ZNF451: variants seen among roughly 807,000 people sequenced by gnomAD.
ZNF451 encodes zinc finger protein 451.
Under a neutral mutation model 107.1 loss-of-function variants are expected in ZNF451, and 80 were observed. That is an observed-to-expected ratio of 0.75 (90% CI 0.62 to 0.90). The LOEUF is 0.90. ZNF451 is among the 40% of genes least tolerant of loss of function. The pLI, the probability that ZNF451 is intolerant of heterozygous loss-of-function variation, is 0.00. For missense variants in ZNF451, 1,107 were observed against 1,236.2 expected, an observed-to-expected ratio of 0.90 and a Z score of 1.57; for synonymous variants, 362 against 406.5, an observed-to-expected ratio of 0.89 and a Z score of 1.32.
At chr6:57,150,986 T>C in intron 11 of ZNF451, 124 bp downstream of exon 11, 4 of 1,183,808 alleles carry the variant, frequency 3.4e-6, no homozygotes, top group Admixed American at 2.3e-5. Flanking sequence ...TATTGTTCTT[T>C]TGTATTATAG....
chr6:57,132,955 T>C, intron 5 of ZNF451, 87 bp from the exon 6 acceptor site: 1 of 1,377,746 alleles, frequency 7.3e-7, no homozygotes, highest in Non-Finnish European at 1.0e-6. Context: ...TGTCATAATT[T>C]TCATTGTTTT....
At chr6:57,109,211 T>A (rs1438175353) in intron 3 of ZNF451, 1 of 985,320 alleles carries the variant, frequency 1.0e-6, no homozygotes, top group Non-Finnish European at 1.2e-6. Context: ...CTGTTTCCAT[T>A]CATTTTCAGC....
At chr6:57,145,543 T>A (rs1451722342) in intron 9 of ZNF451, among the ~76,000 whole-genome samples, 1 of 152,202 alleles carries the variant, frequency 6.6e-6, no homozygotes, top group Non-Finnish European at 1.5e-5. Flanking sequence ...CACTTAGAAA[T>A]GAAAATTTGC....
At chr6:57,138,873 G>A (rs1264551568) in intron 7 of ZNF451, among the ~76,000 whole-genome samples, 1 of 147,958 alleles carries the variant, frequency 6.8e-6, no homozygotes. Flanking sequence ...CTTAAGTGCT[G>A]GGATTACAGG....
chr6:57,134,220 G>C (rs144533595), intron 6 of ZNF451: 5 of 152,350 alleles, frequency 3.3e-5, no homozygotes, highest in Non-Finnish European at 7.3e-5. Context: ...CTGGACCTGG[G>C]GTCGGGGAGG....
chr6:57,167,789 A>G (rs757700124), intron 14 of ZNF451, among the ~76,000 whole-genome samples: 10 of 152,222 alleles, frequency 6.6e-5, no homozygotes, highest in Non-Finnish European at 1.2e-4. Context: ...TGTGAACCCA[A>G]TAACGTCTGT....
intron 9 of ZNF451, among the ~76,000 whole-genome samples, chr6:57,144,942 A>C (rs72867054): frequency 0.092 from 13,953 of 152,166 alleles, 708 homozygotes; most frequent in African/African-American, 0.099. Context: ...ACACACAAAA[A>C]AGATATGTGT....
chr6:57,167,905 C>T (rs1446719896), intron 14 of ZNF451, among the ~76,000 whole-genome samples: 4 of 152,180 alleles, frequency 2.6e-5, no homozygotes, highest in Non-Finnish European at 5.9e-5. Flanking sequence ...ATATGCTTCT[C>T]AGATGACATT....
At position 57,142,084 on chromosome 6, in the gene ZNF451, T is replaced by C. The variant is rs1190903511; in HGVS notation, c.993T>C (p.Thr331=). 5.0e-6 allele frequency: 8 copies of C among 1,612,378 alleles called. No homozygotes were observed. The South Asian group carries it at 8.8e-5, about 18-fold the overall frequency. ...HKTLRSHMEL[T]AHFRVHCRNA... The stretch of plus-strand genomic sequence containing the variant: ...CACTGCGTTCCCACATGGAGCTCAC[T>C]GCCCATTTCAGGTTTGTATTGGTCT... Residue 331 remains threonine, a synonymous_variant, in exon 9 of 15, where the codon ACT becomes ACC. Coordinates refer to ENST00000370706, the MANE Select transcript of ZNF451 (RefSeq NM_001031623.3).
chr6:57,101,430 C>T, intron 3 of ZNF451: 1 of 1,550,788 alleles, frequency 6.4e-7, no homozygotes, highest in Non-Finnish European at 8.7e-7. Context: ...CCTCTCCTTT[C>T]CAACCAAACC....
chr6:57,104,925 C>G (rs934078980), intron 3 of ZNF451: 30 of 985,142 alleles, frequency 3.0e-5, no homozygotes, highest in African/African-American at 3.5e-5. Flanking sequence ...GGGATGGGGA[C>G]AGAATGCAGA....
chr6:57,137,176 T>C (rs145793502), intron 7 of ZNF451, among the ~76,000 whole-genome samples: 4 of 152,362 alleles, frequency 2.6e-5, no homozygotes, highest in African/African-American at 9.6e-5. Flanking sequence ...AAAACTAGTA[T>C]GCATGGGGGG....
chr6:57,135,079 A>G (rs1319613969), intron 7 of ZNF451, among the ~76,000 whole-genome samples: 1 of 152,136 alleles, frequency 6.6e-6, no homozygotes, highest in Non-Finnish European at 1.5e-5. Flanking sequence ...AGTCCTAGAG[A>G]TTATCATCAA....
At chr6:57,164,514 G>A (rs1763815756) in intron 14 of ZNF451, among the ~76,000 whole-genome samples, 1 of 152,168 alleles carries the variant, frequency 6.6e-6, no homozygotes. Context: ...AGAGACAGAG[G>A]ACAGCATTAT....
chr6:57,134,834 T>C lies in ZNF451; in HGVS notation c.666T>C (p.Val222=), dbSNP rs1831356537. ...FACVVCYKKF[V]TQQQYRDHLF... ...GTGTAGTATGTTATAAAAAATTTGTTACTCAACAACAATATAGAGATCACC... is the reference window on the plus strand; with the variant it reads ...GTGTAGTATGTTATAAAAAATTTGTCACTCAACAACAATATAGAGATCACC... The change falls in exon 7 of 15, where the codon GTT becomes GTC. Residue 222 remains valine (V), a synonymous_variant. Coordinates refer to ENST00000370706, the MANE Select transcript of ZNF451 (RefSeq NM_001031623.3). The C allele has an allele frequency of 6.2e-7, 1 of 1,610,702 alleles. No homozygotes were observed. Among genetic ancestry groups the C allele is most frequent in the Non-Finnish European group, 8.5e-7 (1 of 1,177,980 alleles).
At chr6:57,106,687 AATCTATC>A in intron 3 of ZNF451, 1 of 983,428 alleles carries the variant, frequency 1.0e-6, no homozygotes, top group Non-Finnish European at 1.2e-6. Context: ...TGTCTTTTGG[AATCTATC>A]ATTCTGTATT....
At chr6:57,132,167 A>G (rs1831207585) in intron 5 of ZNF451, among the ~76,000 whole-genome samples, 1 of 152,224 alleles carries the variant, frequency 6.6e-6, no homozygotes, top group Non-Finnish European at 1.5e-5. Flanking sequence ...AACAATAAGT[A>G]AATCTCTGCT....
At chr6:57,168,008 A>C (rs772582305) in intron 14 of ZNF451, among the ~76,000 whole-genome samples, 3 of 152,112 alleles carry the variant, frequency 2.0e-5, no homozygotes, top group Admixed American at 6.5e-5. Context: ...AATTAAACTA[A>C]ATTTTTAATG....
At chr6:57,142,859 A>G (rs1831840094) in intron 9 of ZNF451, among the ~76,000 whole-genome samples, 1 of 152,050 alleles carries the variant, frequency 6.6e-6, no homozygotes, top group South Asian at 2.1e-4. Flanking sequence ...AACATTTGAT[A>G]TTGCCACTCT....
Sources: allele counts gnomAD v4.1 joint callset (sites outside exome capture counted in the v4.1 genomes callset), GRCh38; gene constraint gnomAD v4.1.1; transcripts MANE v1.5; gene names NCBI Gene and HGNC (gene_info 2026-07-23, HGNC 2026-07-21).